The following NPAS3 variants were observed in gnomAD, a reference collection of about 807,000 sequenced individuals.
The protein encoded by NPAS3 is neuronal PAS domain-containing protein 3.
Under a neutral mutation model 73.1 loss-of-function variants are expected in NPAS3, and 14 were observed. That is an observed-to-expected ratio of 0.19 (90% CI 0.13 to 0.30). The LOEUF (loss-of-function observed/expected upper bound fraction) is 0.30, where lower values mean the gene tolerates loss of function less well. Among genes scored for constraint, NPAS3 ranks in the 10% least tolerant of loss-of-function variants. NPAS3 has a pLI of 1.00. For synonymous variants in NPAS3, 620 were observed against 541.5 expected (o/e 1.14, Z -2.01); for missense variants, 1,096 against 1,250.0 (o/e 0.88, Z 1.86).
At chr14:33,308,412 A>G (rs2042845000) in intron 3 of NPAS3, among the ~76,000 whole-genome samples, 1 of 151,820 alleles carries the variant, frequency 6.6e-6, no homozygotes, top group Admixed American at 6.6e-5. Flanking sequence ...CAAATGCCGA[A>G]TATCAGGAAG....
At chr14:33,297,669 C>A (rs1278481300) in intron 3 of NPAS3, among the ~76,000 whole-genome samples, 1 of 152,146 alleles carries the variant, frequency 6.6e-6, no homozygotes, top group Non-Finnish European at 1.5e-5. Flanking sequence ...TCTCCTTGGT[C>A]CTGCTGTCAG....
At chr14:33,606,778 A>G (rs1567048739) in intron 5 of NPAS3, among the ~76,000 whole-genome samples, 1 of 152,230 alleles carries the variant, frequency 6.6e-6, no homozygotes, top group Admixed American at 6.5e-5. Context: ...TCTACTGTTC[A>G]ACAGTCTGTA....
intron 6 of NPAS3, among the ~76,000 whole-genome samples, chr14:33,688,032 T>G (rs529786262): frequency 6.6e-6 from 1 of 152,336 alleles, no homozygotes; most frequent in Admixed American, 6.5e-5. Context: ...AATACAGCAC[T>G]TCCAAAATAT....
chr14:32,938,468 A>AGAGAAATT (rs1169739666), upstream of NPAS3, among the ~76,000 whole-genome samples: 4 of 125,084 alleles, frequency 3.2e-5, no homozygotes, highest in African/African-American at 1.2e-4. Flanking sequence ...AGAGAGAGAG[A>AGAGAAATT]GAGAGAGAGA....
At chr14:33,751,960 A>G (rs1281072955) in intron 7 of NPAS3, among the ~76,000 whole-genome samples, 1 of 152,218 alleles carries the variant, frequency 6.6e-6, no homozygotes, top group African/African-American at 2.4e-5. Flanking sequence ...TGTTTTTTAA[A>G]AAAATCAAAT....
At chr14:33,470,006 A>G (rs532374655) in intron 4 of NPAS3, among the ~76,000 whole-genome samples, 1 of 152,180 alleles carries the variant, frequency 6.6e-6, no homozygotes, top group Admixed American at 6.5e-5. Flanking sequence ...ACTCCAACAT[A>G]TTTCTGCTGA....
chr14:33,580,576 C>T (rs1595201124), intron 5 of NPAS3, among the ~76,000 whole-genome samples: 1 of 152,296 alleles, frequency 6.6e-6, no homozygotes, highest in African/African-American at 2.4e-5. Context: ...TCCCCTCCAT[C>T]CCCCGGGGCA....
At chr14:33,071,862 T>C (rs2041496224) in intron 2 of NPAS3, among the ~76,000 whole-genome samples, 1 of 152,202 alleles carries the variant, frequency 6.6e-6, no homozygotes, top group African/African-American at 2.4e-5. Context: ...TTCCATCAAA[T>C]TTCTGAAGAA....
At chr14:33,660,936 G>A (rs945823700) in intron 5 of NPAS3, among the ~76,000 whole-genome samples, 5 of 152,128 alleles carry the variant, frequency 3.3e-5, no homozygotes, top group African/African-American at 1.2e-4. Flanking sequence ...TGTTTCTTCA[G>A]TGTTTCCCCC....
At chr14:33,232,344 A>G (rs776258946) in intron 3 of NPAS3, among the ~76,000 whole-genome samples, 2 of 152,148 alleles carry the variant, frequency 1.3e-5, no homozygotes, top group Non-Finnish European at 2.9e-5. Flanking sequence ...ACTAAACTAC[A>G]CTTGCACACT....
At chr14:33,029,160 G>A (rs1173258815) in intron 1 of NPAS3, among the ~76,000 whole-genome samples, 1 of 152,172 alleles carries the variant, frequency 6.6e-6, no homozygotes, top group Non-Finnish European at 1.5e-5. Context: ...GAACATAGGA[G>A]TGAGGCGGGT....
At chr14:33,309,885 C>G (rs1407270987) in intron 3 of NPAS3, among the ~76,000 whole-genome samples, 1 of 152,122 alleles carries the variant, frequency 6.6e-6, no homozygotes, top group East Asian at 1.9e-4. Flanking sequence ...TCATATTTCC[C>G]TCGTGAGAAG....
intron 2 of NPAS3, among the ~76,000 whole-genome samples, chr14:33,110,662 A>G (rs1030772887): frequency 6.6e-6 from 1 of 152,180 alleles, no homozygotes; most frequent in Non-Finnish European, 1.5e-5. Context: ...AGACCTGCAC[A>G]GTTCCTAACT....
chr14:32,945,751 AC>A (rs2036223961), intron 1 of NPAS3, among the ~76,000 whole-genome samples: 1 of 152,224 alleles, frequency 6.6e-6, no homozygotes, highest in Non-Finnish European at 1.5e-5. Flanking sequence ...TTGGAGAAAT[AC>A]AGTGTTTATG....
intron 2 of NPAS3, among the ~76,000 whole-genome samples, chr14:33,132,622 C>G (rs941304329): frequency 7.2e-5 from 11 of 151,894 alleles, no homozygotes; most frequent in African/African-American, 2.4e-4. Flanking sequence ...ACGGGAAGTT[C>G]AAGTGTGAGG....
intron 2 of NPAS3, among the ~76,000 whole-genome samples, chr14:33,100,383 G>A (rs988391486): frequency 5.3e-5 from 8 of 152,128 alleles, no homozygotes; most frequent in African/African-American, 1.4e-4. Flanking sequence ...CTGCAGAAAA[G>A]AAGCATTCTG....
chr14:33,544,788 T>TTATATATATA (rs71406561), intron 4 of NPAS3, among the ~76,000 whole-genome samples: 2 of 63,254 alleles, frequency 3.2e-5, no homozygotes, highest in African/African-American at 1.7e-4. Flanking sequence ...TGTGTGTGTA[T>TTATATATATA]TATATATATA....
chr14:33,346,694 G>T (rs539367486), intron 3 of NPAS3, among the ~76,000 whole-genome samples: 5 of 152,176 alleles, frequency 3.3e-5, no homozygotes, highest in Non-Finnish European at 7.4e-5. Context: ...AGCAGAGCTT[G>T]AGTTCCTAGG....
chr14:33,648,422 C>A (rs1019540453), intron 5 of NPAS3, among the ~76,000 whole-genome samples: 11 of 152,142 alleles, frequency 7.2e-5, no homozygotes, highest in African/African-American at 2.7e-4. Context: ...CATCCCTAAC[C>A]TATTTAATGT....
Sources: gnomAD v4.1 joint callset for allele counts (sites outside exome capture counted in the v4.1 genomes callset) on GRCh38, gnomAD v4.1.1 for gene constraint, MANE v1.5 for transcripts, NCBI Gene and HGNC (gene_info 2026-07-23, HGNC 2026-07-21) for gene names.